ANKS1B: variants seen among roughly 807,000 people sequenced by gnomAD.
The protein encoded by ANKS1B is ankyrin repeat and sterile alpha motif domain-containing protein 1B.
ANKS1B carries 36 observed loss-of-function variants against 148.3 expected under a neutral mutation model. The observed-to-expected ratio is 0.24, with a 90% CI of 0.19 to 0.32. The LOEUF (loss-of-function observed/expected upper bound fraction) is 0.32. Ranked by LOEUF, ANKS1B falls within the 10% of genes least tolerant of loss-of-function variation. The probability of loss-of-function intolerance (pLI) is 1.00; values close to 1 mark genes in which losing one functional copy is unlikely to be tolerated. For synonymous variants in ANKS1B, 542 were observed against 560.8 expected (o/e 0.97, Z 0.47); for missense variants, 1,157 against 1,542.6 (o/e 0.75, Z 4.19).
intron 12 of ANKS1B, among the ~76,000 whole-genome samples, chr12:99,346,338 T>G (rs774118474): frequency 6.6e-6 from 1 of 151,416 alleles, no homozygotes; most frequent in Non-Finnish European, 1.5e-5. Flanking sequence ...GCCACCTCCC[T>G]AAATGCATGT....
chr12:98,882,706 A>T (rs1323719241), intron 17 of ANKS1B, among the ~76,000 whole-genome samples: 1 of 152,034 alleles, frequency 6.6e-6, no homozygotes, highest in East Asian at 1.9e-4. Context: ...AAAGCTGTAG[A>T]GATCTCTGCC....
At chr12:99,417,055 A>T (rs1314358227) in intron 11 of ANKS1B, among the ~76,000 whole-genome samples, 1 of 152,192 alleles carries the variant, frequency 6.6e-6, no homozygotes, top group Non-Finnish European at 1.5e-5. Context: ...AAGCTCATTT[A>T]TATTTGGGAG....
At chr12:99,962,175 A>G (rs970061432) in intron 1 of ANKS1B, among the ~76,000 whole-genome samples, 2 of 151,982 alleles carry the variant, frequency 1.3e-5, no homozygotes, top group Non-Finnish European at 2.9e-5. Context: ...GCACCTATTG[A>G]CCCGTCCTCT....
intron 17 of ANKS1B, among the ~76,000 whole-genome samples, chr12:98,927,023 G>A (rs2152939709): frequency 6.6e-6 from 1 of 152,202 alleles, no homozygotes; most frequent in Middle Eastern, 3.4e-3. Flanking sequence ...GAAGCCCAGT[G>A]AACTCCAAGT....
chr12:98,848,240 A>T (rs184217992), intron 17 of ANKS1B, among the ~76,000 whole-genome samples: 1 of 152,246 alleles, frequency 6.6e-6, no homozygotes, highest in Non-Finnish European at 1.5e-5. Context: ...ATTCACACAC[A>T]GTGAGGAATT....
intron 9 of ANKS1B, among the ~76,000 whole-genome samples, chr12:99,529,913 TATTAGG>T (rs1387778082): frequency 1.4e-4 from 21 of 152,226 alleles, no homozygotes; most frequent in Middle Eastern, 3.2e-3. Context: ...TAAGTGATAA[TATTAGG>T]ATTAATTTAG....
At chr12:99,581,897 C>CAAAAAA (rs369048602) in intron 9 of ANKS1B, among the ~76,000 whole-genome samples, 1 of 60,708 alleles carries the variant, frequency 1.6e-5, no homozygotes, top group Non-Finnish European at 3.6e-5. Flanking sequence ...GACTCCGTCT[C>CAAAAAA]AAAAAAAAAA....
downstream of ANKS1B, among the ~76,000 whole-genome samples, chr12:98,743,186 T>G (rs1416127744): frequency 6.6e-6 from 1 of 152,158 alleles, no homozygotes; most frequent in African/African-American, 2.4e-5. Context: ...TGTTCCTTTA[T>G]CCAAGCCTGT....
intron 10 of ANKS1B, among the ~76,000 whole-genome samples, chr12:99,471,813 G>C (rs1249256220): frequency 6.6e-6 from 1 of 152,048 alleles, no homozygotes; most frequent in Non-Finnish European, 1.5e-5. Context: ...CCTATAATCT[G>C]TGAAATCCCT....
intron 9 of ANKS1B, among the ~76,000 whole-genome samples, chr12:99,559,551 A>C (rs1205314176): frequency 6.6e-6 from 1 of 152,212 alleles, no homozygotes; most frequent in African/African-American, 2.4e-5. Flanking sequence ...AAGCAGAATC[A>C]ATATTTTCTG....
At chr12:99,173,388 C>T (rs1272141930) in intron 14 of ANKS1B, among the ~76,000 whole-genome samples, 3 of 152,050 alleles carry the variant, frequency 2.0e-5, no homozygotes, top group African/African-American at 2.4e-5. Flanking sequence ...TTCCAGCAAT[C>T]GTAAAATGTT....
At chr12:98,866,067 C>G (rs2099623079) in intron 17 of ANKS1B, among the ~76,000 whole-genome samples, 1 of 152,108 alleles carries the variant, frequency 6.6e-6, no homozygotes, top group African/African-American at 2.4e-5. Context: ...AAGCCCCTCC[C>G]AAAGGCCCCA....
At chr12:98,739,469 T>C (rs1055940692), downstream of ANKS1B, among the ~76,000 whole-genome samples, 17 of 152,352 alleles carry the variant, frequency 1.1e-4, no homozygotes, top group African/African-American at 4.1e-4. Flanking sequence ...CTGCCCAACC[T>C]GCTCTCAATT....
intron 11 of ANKS1B, among the ~76,000 whole-genome samples, chr12:99,443,468 A>G (rs1417233429): frequency 6.6e-6 from 1 of 151,940 alleles, no homozygotes; most frequent in East Asian, 1.9e-4. Context: ...GGCACAATTC[A>G]TTTTTCCAAA....
intron 3 of ANKS1B, among the ~76,000 whole-genome samples, chr12:99,810,703 T>C (rs2068247150): frequency 6.6e-6 from 1 of 152,000 alleles, no homozygotes; most frequent in South Asian, 2.1e-4. Flanking sequence ...TATTTCTCTT[T>C]AAAACATATA....
chr12:99,928,904 G>C (rs2094542739), intron 1 of ANKS1B, among the ~76,000 whole-genome samples: 1 of 152,134 alleles, frequency 6.6e-6, no homozygotes, highest in Non-Finnish European at 1.5e-5. Flanking sequence ...GCTTGGAAGT[G>C]ATCAACAGAC....
chr12:99,034,563 G>T (rs1382344050), intron 17 of ANKS1B, among the ~76,000 whole-genome samples: 1 of 152,100 alleles, frequency 6.6e-6, no homozygotes, highest in Non-Finnish European at 1.5e-5. Context: ...CAATCCACCT[G>T]CCTTGGCCTC....
chr12:99,487,547 A>G (rs2096507719), intron 10 of ANKS1B, among the ~76,000 whole-genome samples: 1 of 151,534 alleles, frequency 6.6e-6, no homozygotes, highest in Non-Finnish European at 1.5e-5. Context: ...AAAGTTAGGC[A>G]TTGTTTACAG....
intron 10 of ANKS1B, among the ~76,000 whole-genome samples, chr12:99,486,968 A>T (rs879943512): frequency 6.6e-6 from 1 of 152,178 alleles, no homozygotes; most frequent in Non-Finnish European, 1.5e-5. Context: ...AGAAGCCCCA[A>T]CTGTGCCTGC....
Sources: gnomAD v4.1 joint callset for allele counts (sites outside exome capture counted in the v4.1 genomes callset) on GRCh38, gnomAD v4.1.1 for gene constraint, MANE v1.5 for transcripts, NCBI Gene and HGNC (gene_info 2026-07-23, HGNC 2026-07-21) for gene names.